PLXNA4: variants seen among roughly 807,000 people sequenced by gnomAD.
PLXNA4 encodes plexin A4.
In PLXNA4, 44 loss-of-function variants were observed where a neutral mutation model predicts 191.8. The observed-to-expected ratio is 0.23, with a 90% confidence interval of 0.18 to 0.29. The LOEUF (loss-of-function observed/expected upper bound fraction) is 0.29, where lower values mean the gene tolerates loss of function less well. Ranked by LOEUF, PLXNA4 falls within the 10% of genes least tolerant of loss-of-function variation. The pLI, the probability that PLXNA4 is intolerant of heterozygous loss-of-function variation, is 1.00. For synonymous variants in PLXNA4, 1,082 were observed against 1,009.5 expected (o/e 1.07, Z -1.36); for missense variants, 1,800 against 2,488.8 (o/e 0.72, Z 5.89).
chr7:132,562,416 CCTTCTCCTA>C (rs1163343134), intron 1 of PLXNA4, among the ~76,000 whole-genome samples: 1 of 130,516 alleles, frequency 7.7e-6, no homozygotes, highest in Non-Finnish European at 1.6e-5. Flanking sequence ...TCCTTCTCCT[CCTTCTCCTA>C]CTCCTTTTCC....
At chr7:132,359,859 G>C (rs1803864748) in intron 3 of PLXNA4, among the ~76,000 whole-genome samples, 1 of 152,202 alleles carries the variant, frequency 6.6e-6, no homozygotes, top group Non-Finnish European at 1.5e-5. Context: ...TATTTACAGG[G>C]AGCGGGGAAG....
intron 3 of PLXNA4, among the ~76,000 whole-genome samples, chr7:132,449,667 G>A (rs1044693789): frequency 2.6e-5 from 4 of 152,238 alleles, no homozygotes; most frequent in Non-Finnish European, 4.4e-5. Flanking sequence ...CATTGGTCAT[G>A]CTTCTCTCTT....
chr7:132,579,430 TGTGTGTGC>T (rs947774609), upstream of PLXNA4, among the ~76,000 whole-genome samples: 2 of 150,696 alleles, frequency 1.3e-5, no homozygotes, highest in Non-Finnish European at 2.9e-5. Flanking sequence ...TGTATTTGTG[TGTGTGTGC>T]GTGTGTGTGT....
At chr7:132,410,917 A>G (rs763549204) in intron 3 of PLXNA4, among the ~76,000 whole-genome samples, 1 of 152,180 alleles carries the variant, frequency 6.6e-6, no homozygotes, top group Non-Finnish European at 1.5e-5. Flanking sequence ...CGTGAGCCCC[A>G]GGAGATACCA....
intron 2 of PLXNA4, among the ~76,000 whole-genome samples, chr7:132,615,761 T>C (rs1350325749): frequency 1.3e-5 from 2 of 152,198 alleles, no homozygotes; most frequent in East Asian, 3.9e-4. Context: ...ACATCAGCTT[T>C]CAGCAACGTG....
chr7:132,557,317 T>C (rs1800841558), intron 1 of PLXNA4, among the ~76,000 whole-genome samples: 1 of 152,066 alleles, frequency 6.6e-6, no homozygotes, highest in Non-Finnish European at 1.5e-5. Flanking sequence ...TGAAGTTGAG[T>C]TGTTCCCATC....
At chr7:132,255,703 G>T (rs531169255) in intron 4 of PLXNA4, among the ~76,000 whole-genome samples, 1 of 152,262 alleles carries the variant, frequency 6.6e-6, no homozygotes, top group East Asian at 1.9e-4. Flanking sequence ...TGATCCCCAG[G>T]CCTAAAGAAC....
At chr7:132,351,791 A>G (rs1008743106) in intron 3 of PLXNA4, among the ~76,000 whole-genome samples, 1 of 152,098 alleles carries the variant, frequency 6.6e-6, no homozygotes, top group Non-Finnish European at 1.5e-5. Flanking sequence ...AATGTGGGGG[A>G]AGATGCGCCC....
At chr7:132,254,058 C>T (rs1326105289) in intron 4 of PLXNA4, among the ~76,000 whole-genome samples, 2 of 152,162 alleles carry the variant, frequency 1.3e-5, no homozygotes, top group Admixed American at 1.3e-4. Context: ...CAGTGTTCAA[C>T]ATAAATTGAT....
chr7:132,529,812 A>T (rs527737697), intron 1 of PLXNA4, among the ~76,000 whole-genome samples: 2 of 152,154 alleles, frequency 1.3e-5, no homozygotes, highest in South Asian at 4.1e-4. Flanking sequence ...TCACCATGTT[A>T]GCCAGGATGG....
intron 3 of PLXNA4, among the ~76,000 whole-genome samples, chr7:132,411,606 TC>T (rs1794463729): frequency 6.6e-6 from 1 of 152,198 alleles, no homozygotes; most frequent in South Asian, 2.1e-4. Context: ...TCTGCCACCA[TC>T]TGAGCACGAG....
intron 2 of PLXNA4, among the ~76,000 whole-genome samples, chr7:132,606,508 G>A (rs536265560): frequency 1.2e-4 from 19 of 152,356 alleles, no homozygotes; most frequent in African/African-American, 4.1e-4. Context: ...CAGTTCAGCT[G>A]TATGCAGTTT....
At chr7:132,524,874 T>A (rs1172708810) in intron 1 of PLXNA4, among the ~76,000 whole-genome samples, 1 of 152,034 alleles carries the variant, frequency 6.6e-6, no homozygotes, top group African/African-American at 2.4e-5. Context: ...GCAAGACTTT[T>A]TTCAAAAAAA....
chr7:132,634,779 G>C (rs190641215), intron 2 of PLXNA4, among the ~76,000 whole-genome samples: 4 of 152,276 alleles, frequency 2.6e-5, no homozygotes, highest in Admixed American at 6.5e-5. Flanking sequence ...GCCTTGTCAT[G>C]ATGGCCTCTG....
In PLXNA4 at chr7:132,152,037, C is replaced by T. The variant is rs561949933; in HGVS notation, c.4661-3391G>A. On this transcript the variant is annotated intron_variant, in intron 25 of 31. Coordinates refer to ENST00000321063, the MANE Select transcript of PLXNA4 (RefSeq NM_020911.2). ...TCAGGCCAGTTATGGTCTCTATTTT[C>T]CCTAGGCTCATCACGGAATGTCTCA... Among the ~76,000 whole-genome samples, 69 of 152,308 alleles carry T rather than the reference C, an allele frequency of 4.5e-4. 3 individuals are homozygous for T. The South Asian group carries it at 0.014, about 32-fold the overall frequency.
chr7:132,478,531 C>T (rs895272279), intron 3 of PLXNA4, among the ~76,000 whole-genome samples: 1 of 152,142 alleles, frequency 6.6e-6, no homozygotes, highest in South Asian at 2.1e-4. Context: ...GCAGAAAGAC[C>T]AATGTAAAGA....
intron 3 of PLXNA4, among the ~76,000 whole-genome samples, chr7:132,378,026 G>C (rs7807226): frequency 0.012 from 1,881 of 152,268 alleles, 36 homozygotes; most frequent in African/African-American, 0.043. Flanking sequence ...TATTGGAAGT[G>C]AGGGTAGGAA....
Position 132,369,796 on chromosome 7 carries a change from C to T in PLXNA4, c.1372-71574G>A, listed in dbSNP as rs370921736. Among the ~76,000 whole-genome samples the T allele has an allele frequency of 7.2e-5, 11 of 152,014 alleles. 1 individual carries two copies. Among genetic ancestry groups the T allele is most frequent in the African/African-American group, 2.7e-4 (11 of 41,456 alleles). On this transcript the variant is annotated intron_variant, in intron 3 of 31. Transcript: ENST00000321063. Reference sequence around the variant, plus strand: ...TAAAAAGATGATATGCGGCCGGGCGCGGTGCCTCCTGCCTGTAATCCCAGC... The same window carrying T: ...TAAAAAGATGATATGCGGCCGGGCGTGGTGCCTCCTGCCTGTAATCCCAGC...
In PLXNA4 at chr7:132,149,254, C is replaced by T. The variant is rs375221487; in HGVS notation, c.4661-608G>A. ...GCAAAGTTTATGTAAATGATATCAA[C>T]GTTGTAATCTATCCAACACCTAATT... On this transcript the variant is annotated intron_variant, in intron 25 of 31. Transcript: ENST00000321063. Among the ~76,000 whole-genome samples, 6 of 152,274 alleles carry T rather than the reference C, an allele frequency of 3.9e-5. 1 individual carries two copies. The highest frequency in any genetic ancestry group is 1.9e-4 in the East Asian group (1 of 5,176).
Sources: gnomAD v4.1 joint callset for allele counts (sites outside exome capture counted in the v4.1 genomes callset) on GRCh38, gnomAD v4.1.1 for gene constraint, MANE v1.5 for transcripts, NCBI Gene and HGNC (gene_info 2026-07-23, HGNC 2026-07-21) for gene names.